Variants in DPP10 observed in about 807,000 individuals in gnomAD.
DPP10 encodes the protein inactive dipeptidyl peptidase 10.
DPP10 carries 33 observed loss-of-function variants against 120.9 expected under a neutral mutation model. The observed-to-expected ratio is 0.27, with a 90% CI of 0.21 to 0.37. The LOEUF (loss-of-function observed/expected upper bound fraction) is 0.37. Among genes scored for constraint, DPP10 ranks in the 10% least tolerant of loss-of-function variants. The probability of loss-of-function intolerance (pLI) is 1.00; values close to 1 mark genes in which losing one functional copy is unlikely to be tolerated. For synonymous variants in DPP10, 337 were observed against 326.1 expected, an observed-to-expected ratio of 1.03 and a Z score of -0.36; for missense variants, 816 against 942.8, an observed-to-expected ratio of 0.87 and a Z score of 1.76.
At chr2:115,556,074 A>G (rs1418378059) in intron 5 of DPP10, among the ~76,000 whole-genome samples, 1 of 152,114 alleles carries the variant, frequency 6.6e-6, no homozygotes, top group Non-Finnish European at 1.5e-5. Flanking sequence ...AAATTTCAGG[A>G]TATTAGTATT....
chr2:115,289,522 A>T (rs1193027121), intron 1 of DPP10, among the ~76,000 whole-genome samples: 3 of 151,300 alleles, frequency 2.0e-5, no homozygotes, highest in Admixed American at 2.0e-4. Context: ...AAGAAAAGAA[A>T]AAAGAGCCTA....
At chr2:115,559,508 G>T (rs1530690) in intron 5 of DPP10, among the ~76,000 whole-genome samples, 150,183 of 152,280 alleles carry the variant, frequency 0.99, 74,097 homozygotes, top group East Asian at 1. Flanking sequence ...TGATTTCTAT[G>T]TTACAAACTT....
At chr2:115,441,210 G>GA (rs899682369) in intron 3 of DPP10, among the ~76,000 whole-genome samples, 2 of 151,866 alleles carry the variant, frequency 1.3e-5, no homozygotes, top group African/African-American at 4.8e-5. Flanking sequence ...TTGGTCACAG[G>GA]AAAAAAAGGG....
intron 1 of DPP10, among the ~76,000 whole-genome samples, chr2:115,095,517 A>G (rs1302763639): frequency 6.6e-6 from 1 of 151,294 alleles, no homozygotes; most frequent in Non-Finnish European, 1.5e-5. Context: ...CACAAGTAAG[A>G]TCTATTCAGG....
chr2:115,168,560 A>T (rs1208528408), intron 1 of DPP10, among the ~76,000 whole-genome samples: 1 of 152,190 alleles, frequency 6.6e-6, no homozygotes, highest in Non-Finnish European at 1.5e-5. Flanking sequence ...CCTGATCCAC[A>T]AGTTTTCTGG....
intron 1 of DPP10, among the ~76,000 whole-genome samples, chr2:115,088,750 C>CAAAAAAAAAAAAAAAAAAA (rs70941027): frequency 4.6e-5 from 3 of 65,042 alleles, no homozygotes; most frequent in Non-Finnish European, 8.4e-5. Context: ...CTGTGCCTGA[C>CAAAAAAAAAAAAAAAAAAA]AAAAAAAAAA....
At chr2:115,747,462 C>G (rs947564774) in intron 10 of DPP10, among the ~76,000 whole-genome samples, 1 of 152,036 alleles carries the variant, frequency 6.6e-6, no homozygotes, top group Non-Finnish European at 1.5e-5. Flanking sequence ...ATCTTTTTCT[C>G]TGGTTTGTTT....
chr2:115,564,392 TA>T (rs890770027), intron 5 of DPP10, among the ~76,000 whole-genome samples: 40 of 152,298 alleles, frequency 2.6e-4, no homozygotes, highest in African/African-American at 9.1e-4. Flanking sequence ...ACTTCTAGAA[TA>T]TTTTCCATTT....
At chr2:114,971,669 A>G (rs1699403288) in intron 1 of DPP10, among the ~76,000 whole-genome samples, 1 of 152,206 alleles carries the variant, frequency 6.6e-6, no homozygotes, top group Admixed American at 6.5e-5. Context: ...AGATGCCATA[A>G]GATTTCGCAA....
chr2:115,163,830 T>C lies in DPP10; in HGVS notation c.61-145409T>C, dbSNP rs2052621419. 2.0e-5 allele frequency among the ~76,000 whole-genome samples: 3 copies of C among 152,022 alleles called. No individual in the cohort carries two copies. The South Asian group carries it at 6.2e-4, about 31-fold the overall frequency. On this transcript the variant is annotated intron_variant, in intron 1 of 25. Coordinates refer to ENST00000410059, the MANE Select transcript of DPP10 (RefSeq NM_020868.6). The stretch of plus-strand genomic sequence containing the variant: ...CAGTTCAGTGATGGTGGAAGTGGGA[T>C]GCAGAAGCAGAGCAGAGCAGAGCAC...
chr2:115,490,733 CATT>C (rs1418858749), intron 3 of DPP10, among the ~76,000 whole-genome samples: 7 of 152,046 alleles, frequency 4.6e-5, no homozygotes, highest in South Asian at 2.1e-4. Flanking sequence ...AATATTGTAA[CATT>C]ATGAAAGTAG....
At chr2:114,585,137 G>A (rs1423409312) in intron 1 of DPP10, among the ~76,000 whole-genome samples, 2 of 152,070 alleles carry the variant, frequency 1.3e-5, no homozygotes, top group African/African-American at 4.8e-5. Flanking sequence ...CGTATCATGA[G>A]GCTGGAATGA....
At position 115,836,267 on chromosome 2, in the gene DPP10, T is replaced by G; in HGVS notation, c.2050+11T>G. On this transcript the variant is annotated intron_variant, in intron 22 of 25. Coordinates refer to ENST00000410059, the MANE Select transcript of DPP10 (RefSeq NM_020868.6). Reference sequence around the variant, plus strand: ...ACTTGAAATTGTATGGTGAGTACTTTCTACAGACTGACCTAGTATAATGTA... The same window carrying G: ...ACTTGAAATTGTATGGTGAGTACTTGCTACAGACTGACCTAGTATAATGTA... The G allele has an allele frequency of 5.7e-6, 9 of 1,590,926 alleles. No individual in the cohort carries two copies. Among genetic ancestry groups the G allele is most frequent in the Non-Finnish European group, 7.7e-6 (9 of 1,167,626 alleles).
chr2:114,454,859 C>T lies in DPP10; in HGVS notation c.60+12021C>T, dbSNP rs73946155. ...ACCTTCCACTATATATTGAATCCAC[C>T]GCTAGACTGCAAGCTCCTGGAAGCC... On this transcript the variant is annotated intron_variant, in intron 1 of 25. Transcript: ENST00000410059. 2.5e-3 allele frequency among the ~76,000 whole-genome samples: 384 copies of T among 152,198 alleles called. 1 individual carries two copies. The highest frequency in any genetic ancestry group is 9.0e-3 in the African/African-American group (374 of 41,526).
At chr2:115,606,262 C>T (rs959955317) in intron 5 of DPP10, among the ~76,000 whole-genome samples, 3 of 152,054 alleles carry the variant, frequency 2.0e-5, no homozygotes, top group African/African-American at 7.2e-5. Flanking sequence ...TCCTGCAGGG[C>T]AAACTCAAGC....
intron 3 of DPP10, among the ~76,000 whole-genome samples, chr2:115,454,296 G>C (rs2073350859): frequency 6.6e-6 from 1 of 151,516 alleles, no homozygotes; most frequent in East Asian, 1.9e-4. Context: ...AAAAACTACA[G>C]ACTAATATTT....
intron 15 of DPP10, 27 bp from the exon 16 acceptor site, chr2:115,780,847 A>G (rs753863479): frequency 1.3e-6 from 2 of 1,589,306 alleles, no homozygotes; most frequent in Non-Finnish European, 8.6e-7. Flanking sequence ...TAGCATTTCT[A>G]TAATAACTTC....
chr2:115,805,019 GC>G (rs1449099757), intron 19 of DPP10, among the ~76,000 whole-genome samples: 4 of 152,136 alleles, frequency 2.6e-5, no homozygotes, highest in Admixed American at 6.5e-5. Context: ...TCTGTGCCCT[GC>G]CCCCAGAGGT....
chr2:115,511,558 T>G (rs2077224454), intron 4 of DPP10, among the ~76,000 whole-genome samples: 3 of 151,892 alleles, frequency 2.0e-5, no homozygotes, highest in Non-Finnish European at 4.4e-5. Flanking sequence ...TTAGCCTAGA[T>G]GTAACTTATT....
Sources: allele counts gnomAD v4.1 joint callset (sites outside exome capture counted in the v4.1 genomes callset), GRCh38; gene constraint gnomAD v4.1.1; transcripts MANE v1.5; gene names NCBI Gene and HGNC (gene_info 2026-07-23, HGNC 2026-07-21).